EPHA6: variants seen among roughly 807,000 people sequenced by gnomAD.
EPHA6 encodes ephrin type-A receptor 6.
A neutral mutation model predicts 112.0 loss-of-function variants in EPHA6; 50 were observed. That is an observed-to-expected ratio of 0.45 (90% confidence interval 0.36 to 0.56). The LOEUF is 0.56. Among genes scored for constraint, EPHA6 ranks in the 20% least tolerant of loss-of-function variants. EPHA6 has a pLI of 0.00. For synonymous variants in EPHA6, 529 were observed against 490.7 expected, an observed-to-expected ratio of 1.08 and a Z score of -1.03; for missense variants, 1,280 against 1,417.4, an observed-to-expected ratio of 0.90 and a Z score of 1.56.
chr3:97,088,647 A>T (rs1199211221), intron 3 of EPHA6, among the ~76,000 whole-genome samples: 1 of 152,134 alleles, frequency 6.6e-6, no homozygotes, highest in Non-Finnish European at 1.5e-5. Context: ...TTGTTTCCAC[A>T]GTCTTCTGTT....
At chr3:97,555,718 G>A (rs1426874058) in intron 11 of EPHA6, among the ~76,000 whole-genome samples, 28 of 152,098 alleles carry the variant, frequency 1.8e-4, no homozygotes, top group African/African-American at 4.6e-4. Flanking sequence ...GGCTGCATAA[G>A]TGTCTTCTTT....
In EPHA6 at chr3:97,558,359, T is replaced by A. The variant is rs561148423; in HGVS notation, c.2386+25816T>A. Among the ~76,000 whole-genome samples the A allele has an allele frequency of 6.6e-5, 10 of 152,158 alleles. No homozygotes were observed. The East Asian group carries it at 1.9e-3, about 29-fold the overall frequency. Reference sequence around the variant, plus strand: ...GGGCTTCCAAAGACAGTCTCAGGATTGACAGTTTTCATCTCAGTTTCTACC... The same window carrying A: ...GGGCTTCCAAAGACAGTCTCAGGATAGACAGTTTTCATCTCAGTTTCTACC... On this transcript the variant is annotated intron_variant, in intron 11 of 17. Transcript: ENST00000389672.
chr3:97,441,495 T>C lies in EPHA6; in HGVS notation c.1732-7073T>C, dbSNP rs1388326028. The C allele has an allele frequency of 2.5e-5, 22 of 875,352 alleles. No individual in the cohort carries two copies. The Admixed American group carries it at 1.4e-3, about 54-fold the overall frequency. The allele number at this position is 875,352 out of a possible 1,614,324, so 54.2% of individuals were successfully genotyped here. ...AATGTAAGTCAGACATAATTATATT[T>C]AACCATAACACAATTAGAATCTGTT... On this transcript the variant is annotated intron_variant, in intron 6 of 17. Transcript: ENST00000389672.
chr3:97,466,286 C>A, intron 7 of EPHA6: 1 of 1,334,634 alleles, frequency 7.5e-7, no homozygotes, highest in Non-Finnish European at 1.1e-6. Flanking sequence ...GAAAACATTC[C>A]CCTCAAGCAA....
chr3:97,342,705 C>G (rs1244991863), intron 5 of EPHA6, among the ~76,000 whole-genome samples: 2 of 152,146 alleles, frequency 1.3e-5, no homozygotes, highest in Non-Finnish European at 2.9e-5. Context: ...CTCTCTCTCT[C>G]TCTCTCTTTC....
At chr3:97,019,353 A>G (rs753957172) in intron 3 of EPHA6, among the ~76,000 whole-genome samples, 7 of 152,090 alleles carry the variant, frequency 4.6e-5, no homozygotes, top group South Asian at 2.1e-4. Context: ...ATTTTCTCAC[A>G]CATATGTACT....
intron 3 of EPHA6, among the ~76,000 whole-genome samples, chr3:97,186,120 C>G (rs140927592): frequency 6.6e-6 from 1 of 151,746 alleles, no homozygotes; most frequent in Non-Finnish European, 1.5e-5. Context: ...TTAAATGACG[C>G]GTTACTGGGT....
intron 2 of EPHA6, among the ~76,000 whole-genome samples, chr3:96,956,151 A>G (rs1180204210): frequency 6.6e-6 from 1 of 152,208 alleles, no homozygotes; most frequent in African/African-American, 2.4e-5. Flanking sequence ...AGTAAGTATG[A>G]ATCTCTTCAT....
chr3:97,005,866 T>G (rs1033793100), intron 3 of EPHA6, among the ~76,000 whole-genome samples: 1 of 152,194 alleles, frequency 6.6e-6, no homozygotes, highest in Non-Finnish European at 1.5e-5. Context: ...CTGCATCTAT[T>G]GAGATAATCA....
At chr3:97,441,133 C>T (rs889757199) in intron 6 of EPHA6, among the ~76,000 whole-genome samples, 4 of 151,780 alleles carry the variant, frequency 2.6e-5, no homozygotes, top group Admixed American at 6.6e-5. Flanking sequence ...TATAGTATAA[C>T]CCAAATATCG....
chr3:96,814,756 C>A lies in EPHA6; in HGVS notation c.133C>A (p.Arg45Ser). The A allele has an allele frequency of 6.3e-7, 1 of 1,594,970 alleles. No individual in the cohort carries two copies. The highest frequency in any genetic ancestry group is 1.1e-5 in the South Asian group (1 of 89,598). ...TGTTCCCGGGACCTCGCGCAGGGGG[C>A]GCCCCGGGACACCCCCTGCGGGCCG... ...CPVPGTSRRG[R>S]PGTPPAGRVE... Residue 45 changes from arginine to serine, a missense_variant, in exon 1 of 18, where the codon CGC becomes AGC. Physicochemically the swap from Arg to Ser is moderately radical, Grantham distance 110. Around this residue, in one of 4 missense-constraint regions of EPHA6, gnomAD observed 220 missense variants for 171.5 expected, o/e 1.28. Transcript: ENST00000389672.
At chr3:97,372,393 A>T (rs1157704240) in intron 5 of EPHA6, among the ~76,000 whole-genome samples, 1 of 152,174 alleles carries the variant, frequency 6.6e-6, no homozygotes, top group East Asian at 1.9e-4. Flanking sequence ...TAATACGAAG[A>T]TGTGCATATC....
chr3:97,189,493 T>C (rs2077244634), intron 3 of EPHA6, among the ~76,000 whole-genome samples: 1 of 152,124 alleles, frequency 6.6e-6, no homozygotes, highest in Non-Finnish European at 1.5e-5. Flanking sequence ...AAAATTTTAA[T>C]ACTTTAAAAA....
chr3:96,875,116 T>A (rs2036867790), intron 2 of EPHA6, among the ~76,000 whole-genome samples: 2 of 152,042 alleles, frequency 1.3e-5, no homozygotes, highest in Non-Finnish European at 2.9e-5. Flanking sequence ...AAATACAGAT[T>A]GTACTTATAA....
chr3:96,968,794 A>G (rs964454367), intron 2 of EPHA6, among the ~76,000 whole-genome samples: 3 of 151,878 alleles, frequency 2.0e-5, no homozygotes, highest in African/African-American at 7.2e-5. Context: ...ACTATTAAGC[A>G]TTGTTATTTA....
chr3:97,558,784 G>C (rs2093149180), intron 11 of EPHA6, among the ~76,000 whole-genome samples: 1 of 151,842 alleles, frequency 6.6e-6, no homozygotes, highest in Non-Finnish European at 1.5e-5. Flanking sequence ...TAAGTGTCAT[G>C]GTCCACTGTA....
chr3:97,192,759 C>T (rs988907758), intron 3 of EPHA6, among the ~76,000 whole-genome samples: 1 of 152,070 alleles, frequency 6.6e-6, no homozygotes, highest in African/African-American at 2.4e-5. Context: ...AGTTTCAGAT[C>T]TTAGATTTAC....
At chr3:97,402,332 G>A (rs940521365) in intron 5 of EPHA6, among the ~76,000 whole-genome samples, 3 of 151,986 alleles carry the variant, frequency 2.0e-5, no homozygotes, top group African/African-American at 7.2e-5. Flanking sequence ...TTGCTGCAGT[G>A]TTGAGTGCAT....
At chr3:97,613,578 C>T (rs2093738082) in intron 13 of EPHA6, among the ~76,000 whole-genome samples, 1 of 152,086 alleles carries the variant, frequency 6.6e-6, no homozygotes, top group Non-Finnish European at 1.5e-5. Context: ...ATTTGGGATC[C>T]TTGGGGACAT....
Sources: allele counts gnomAD v4.1 joint callset (sites outside exome capture counted in the v4.1 genomes callset), GRCh38; gene constraint gnomAD v4.1.1; regional missense constraint gnomAD v4.1.1; transcripts MANE v1.5; gene names NCBI Gene and HGNC (gene_info 2026-07-23, HGNC 2026-07-21).